The following PLEK2 variants were observed in gnomAD, a reference collection of about 807,000 sequenced individuals.
PLEK2 encodes the protein pleckstrin 2.
In PLEK2, 29 loss-of-function variants were observed where a neutral mutation model predicts 43.8. That is an observed-to-expected ratio of 0.66 (90% CI 0.49 to 0.90). The LOEUF is 0.90. Among genes scored for constraint, PLEK2 ranks in the 40% least tolerant of loss-of-function variants. The probability of loss-of-function intolerance (pLI) is 0.00; values close to 1 mark genes in which losing one functional copy is unlikely to be tolerated. For missense variants in PLEK2, 398 were observed against 448.1 expected (o/e 0.89, Z 1.01); for synonymous variants, 162 against 173.2 (o/e 0.94, Z 0.51).
intron 4 of PLEK2, 21 bp downstream of exon 4, chr14:67,393,129 G>A (rs755695051): frequency 4.7e-5 from 74 of 1,565,858 alleles, no homozygotes; most frequent in East Asian, 9.0e-5. Flanking sequence ...TGCCCAGCCC[G>A]GCCCTGGGGG....
At chr14:67,409,997 C>G (rs2139906805) in intron 1 of PLEK2, among the ~76,000 whole-genome samples, 1 of 152,204 alleles carries the variant, frequency 6.6e-6, no homozygotes, top group African/African-American at 2.4e-5. Flanking sequence ...GGGTCAGGCT[C>G]CATCCCAGTC....
chr14:67,397,958 T>C, intron 1 of PLEK2, 132 bp from the exon 2 acceptor site: 1 of 672,284 alleles, frequency 1.5e-6, no homozygotes, highest in Non-Finnish European at 2.4e-6. Flanking sequence ...ACAGCAGGAT[T>C]TGTGTCTGGA....
chr14:67,393,760 T>G (rs1205748939), intron 3 of PLEK2, among the ~76,000 whole-genome samples: 1 of 152,102 alleles, frequency 6.6e-6, no homozygotes, highest in Non-Finnish European at 1.5e-5. Context: ...GGCCTGATGA[T>G]GGATGTTTGA....
At chr14:67,387,709 A>G (rs1048163902) in intron 8 of PLEK2, among the ~76,000 whole-genome samples, 3 of 152,146 alleles carry the variant, frequency 2.0e-5, no homozygotes, top group African/African-American at 7.2e-5. Context: ...CCTGCTCCCT[A>G]TGCTCAAGAT....
chr14:67,410,404 C>T (rs1032803303), intron 1 of PLEK2, among the ~76,000 whole-genome samples: 9 of 152,162 alleles, frequency 5.9e-5, no homozygotes, highest in African/African-American at 2.2e-4. Flanking sequence ...CTCCCACCTC[C>T]CAAGCCGCAG....
chr14:67,405,029 T>C (rs2086069954), intron 1 of PLEK2, among the ~76,000 whole-genome samples: 1 of 151,266 alleles, frequency 6.6e-6, no homozygotes, highest in Admixed American at 6.6e-5. Flanking sequence ...AGGTCAGAAG[T>C]TCAAGACCAC....
At chr14:67,394,609 T>C (rs1049761851) in intron 3 of PLEK2, among the ~76,000 whole-genome samples, 4 of 152,024 alleles carry the variant, frequency 2.6e-5, no homozygotes, top group African/African-American at 7.2e-5. Flanking sequence ...GGGGAGTTTT[T>C]GTGAGCCCAG....
intron 1 of PLEK2, among the ~76,000 whole-genome samples, chr14:67,404,966 G>A (rs2086069643): frequency 6.6e-6 from 1 of 151,754 alleles, no homozygotes; most frequent in South Asian, 2.1e-4. Context: ...AGGTGCGGTG[G>A]CTCACACCTG....
intron 1 of PLEK2, among the ~76,000 whole-genome samples, chr14:67,402,829 G>A (rs2086057454): frequency 6.6e-6 from 1 of 152,188 alleles, no homozygotes; most frequent in African/African-American, 2.4e-5. Flanking sequence ...ATGTGTTGGA[G>A]GACACAGGTT....
In PLEK2 at chr14:67,395,589, G is replaced by T. The variant is rs1294371111; in HGVS notation, c.208-6C>A. The T allele has an allele frequency of 6.2e-7, 1 of 1,613,838 alleles. No homozygotes were observed. The highest frequency in any genetic ancestry group is 1.7e-5 in the Admixed American group (1 of 60,012). On this transcript the variant is annotated splice_polypyrimidine_tract_variant and splice_region_variant and intron_variant, in intron 2 of 8. Transcript: ENST00000216446. ...GTCTTCAGCTTAATGAGGAGCTGTG[G>T]GAAGAGAGAGCCAGTCAGGCCAGCA...
chr14:67,391,304 T>TGTGA (rs1555348801), intron 6 of PLEK2, among the ~76,000 whole-genome samples: 6 of 150,784 alleles, frequency 4.0e-5, no homozygotes, highest in South Asian at 4.2e-4. Context: ...TGTGTGTGTG[T>TGTGA]GACTTTCTTT....
chr14:67,392,259 G>C, intron 6 of PLEK2, 67 bp downstream of exon 6: 1 of 1,062,560 alleles, frequency 9.4e-7, no homozygotes, highest in Admixed American at 1.7e-5. Flanking sequence ...CCTTCTTCTG[G>C]GCTCACTGCT....
intron 1 of PLEK2, among the ~76,000 whole-genome samples, chr14:67,409,051 TAA>T (rs578237034): frequency 4.6e-5 from 5 of 108,528 alleles, no homozygotes; most frequent in Non-Finnish European, 5.9e-5. Context: ...ATTGTCGCTA[TAA>T]AAAAAAAAAA....
At chr14:67,400,172 C>CTGACTTGAGCCCAAACAGA (rs1181681898) in intron 1 of PLEK2, among the ~76,000 whole-genome samples, 3 of 152,196 alleles carry the variant, frequency 2.0e-5, no homozygotes, top group Non-Finnish European at 2.9e-5. Context: ...TTTGTGAACA[C>CTGACTTGAGCCCAAACAGA]TGACTTGAGC....
In PLEK2 at chr14:67,387,302, A is replaced by C; in HGVS notation, c.*27T>G. On this transcript the variant is annotated 3_prime_UTR_variant, in exon 9 of 9. Coordinates refer to ENST00000216446, the MANE Select transcript of PLEK2 (RefSeq NM_016445.3). ...TTGTCTGTGTCATCTGGTAGGAGGG[A>C]GGAATCCTGGTTCCCTCAGGTCCTT... 1 of 1,594,720 alleles carries C rather than the reference A, an allele frequency of 6.3e-7. No homozygotes were observed. The highest frequency in any genetic ancestry group is 1.1e-5 in the South Asian group (1 of 87,314).
chr14:67,390,564 G>T, intron 7 of PLEK2, 99 bp downstream of exon 7: 1 of 837,388 alleles, frequency 1.2e-6, no homozygotes, highest in Non-Finnish European at 2.1e-6. Flanking sequence ...GGGTGCCAGG[G>T]GAAGGCAGGA....
chr14:67,393,200 C>T lies in PLEK2; in HGVS notation c.431G>A (p.Arg144His), dbSNP rs145289862. The change falls in exon 4 of 9, where the codon CGT (arginine) becomes CAT (histidine). Residue 144 changes from arginine to histidine, a missense_variant. Physicochemically the swap from Arg to His is conservative, Grantham distance 29. Coordinates refer to ENST00000216446, the MANE Select transcript of PLEK2 (RefSeq NM_016445.3). ...TCCCTGCTCCATGTTGGGGCTTGAA[C>T]GGATTCCGGTGTTGCTATCGTGCAT... ...DKMHDSNTGI[R>H]SSPNMEQGST... 2.3e-5 allele frequency: 37 copies of T among 1,613,874 alleles called. No homozygotes were observed. Among genetic ancestry groups the T allele is most frequent in the Admixed American group, 6.7e-5 (4 of 60,006 alleles).
intron 6 of PLEK2, 101 bp from the exon 7 acceptor site, chr14:67,390,847 T>C: frequency 2.4e-6 from 2 of 830,086 alleles, no homozygotes; most frequent in Non-Finnish European, 4.3e-6. Context: ...GCCAGCCCGC[T>C]CCAATGGGAC....
intron 7 of PLEK2, among the ~76,000 whole-genome samples, chr14:67,388,724 G>C (rs1326669929): frequency 6.6e-6 from 1 of 152,062 alleles, no homozygotes; most frequent in Non-Finnish European, 1.5e-5. Context: ...CTGTCTTTCA[G>C]GCTGGAGTGC....
Sources: allele counts gnomAD v4.1 joint callset (sites outside exome capture counted in the v4.1 genomes callset), GRCh38; gene constraint gnomAD v4.1.1; transcripts MANE v1.5; gene names NCBI Gene and HGNC (gene_info 2026-07-23, HGNC 2026-07-21).